The following TNNI3K variants were observed in gnomAD, a reference collection of about 807,000 sequenced individuals.
TNNI3K encodes the protein TNNI3 interacting kinase, also known as serine/threonine-protein kinase TNNI3K.
Under a neutral mutation model 114.5 loss-of-function variants are expected in TNNI3K, and 140 were observed. That is an observed-to-expected ratio of 1.22 (90% CI 1.07 to 1.41). The LOEUF (loss-of-function observed/expected upper bound fraction) is 1.41. TNNI3K is among the 40% of genes most tolerant of loss of function. The pLI is 0.00. For missense variants in TNNI3K, 1,125 were observed against 1,007.6 expected, an observed-to-expected ratio of 1.12 and a Z score of -1.58; for synonymous variants, 347 against 347.5, an observed-to-expected ratio of 1.00 and a Z score of 0.02.
At chr1:74,468,769 T>C (rs774807240) in intron 21 of TNNI3K, among the ~76,000 whole-genome samples, 5 of 151,936 alleles carry the variant, frequency 3.3e-5, no homozygotes, top group Admixed American at 6.6e-5. Flanking sequence ...GGAAGTTTGT[T>C]TCCCTTTTAA....
chr1:74,256,075 A>C (rs1655271912), intron 4 of TNNI3K, among the ~76,000 whole-genome samples: 1 of 152,180 alleles, frequency 6.6e-6, no homozygotes, highest in Non-Finnish European at 1.5e-5. Context: ...GAACACTCAC[A>C]TACAGGTATT....
chr1:74,464,803 C>T, intron 21 of TNNI3K: 1 of 1,514,730 alleles, frequency 6.6e-7, no homozygotes. Context: ...AATCTTCCAT[C>T]ACTACCAAAA....
intron 17 of TNNI3K, among the ~76,000 whole-genome samples, chr1:74,385,701 G>A (rs765643022): frequency 6.6e-6 from 1 of 152,198 alleles, no homozygotes; most frequent in Non-Finnish European, 1.5e-5. Context: ...AAGGTTAAGA[G>A]TTCAGTCCAA....
chr1:74,480,450 G>A (rs1202465187), intron 21 of TNNI3K: 7 of 717,434 alleles, frequency 9.8e-6, no homozygotes, highest in Non-Finnish European at 1.8e-5. Context: ...AACTGCTTCA[G>A]TGGAGTAAAC....
chr1:74,368,916 G>A, intron 13 of TNNI3K, 106 bp from the exon 14 acceptor site: 1 of 974,530 alleles, frequency 1.0e-6, no homozygotes, highest in East Asian at 3.0e-5. Flanking sequence ...AAAATTAAAT[G>A]TTATTAGGAA....
At chr1:74,535,999 T>G (rs3894212) in intron 23 of TNNI3K, among the ~76,000 whole-genome samples, 78,651 of 151,936 alleles carry the variant, frequency 0.52, 21,645 homozygotes, top group East Asian at 0.73. Context: ...CTTTTCTTAA[T>G]GTATCCATGG....
chr1:74,445,293 A>G (rs552580307), intron 20 of TNNI3K, among the ~76,000 whole-genome samples: 4 of 145,864 alleles, frequency 2.7e-5, no homozygotes, highest in African/African-American at 1.0e-4. Flanking sequence ...ATATGTATAC[A>G]TGTGCCGTGC....
At chr1:74,243,341 G>A (rs963116585) in intron 2 of TNNI3K, among the ~76,000 whole-genome samples, 3 of 152,234 alleles carry the variant, frequency 2.0e-5, no homozygotes, top group African/African-American at 7.2e-5. Context: ...TGTTTGGAGG[G>A]CATGGGGCAG....
intron 20 of TNNI3K, among the ~76,000 whole-genome samples, chr1:74,458,635 A>C (rs201589572): frequency 6.6e-6 from 1 of 152,218 alleles, no homozygotes; most frequent in East Asian, 1.9e-4. Flanking sequence ...ATAATGAATA[A>C]GATATTTATT....
intron 11 of TNNI3K, among the ~76,000 whole-genome samples, chr1:74,360,036 G>A (rs1388748304): frequency 6.6e-6 from 1 of 151,588 alleles, no homozygotes; most frequent in Non-Finnish European, 1.5e-5. Flanking sequence ...ACATCCTATC[G>A]ATTCAATCAA....
chr1:74,274,892 C>A (rs1297126638), intron 5 of TNNI3K, among the ~76,000 whole-genome samples: 2 of 151,992 alleles, frequency 1.3e-5, no homozygotes, highest in Admixed American at 6.6e-5. Flanking sequence ...TAAGAAAATG[C>A]TGAATATCTT....
intron 17 of TNNI3K, among the ~76,000 whole-genome samples, chr1:74,384,066 A>C (rs1355839195): frequency 6.6e-6 from 1 of 152,130 alleles, no homozygotes; most frequent in Non-Finnish European, 1.5e-5. Context: ...TTGGCCCCAC[A>C]AAACAGGAGC....
At chr1:74,367,766 A>C (rs923439179) in intron 12 of TNNI3K, 142 bp from the exon 13 acceptor site, 19 of 752,226 alleles carry the variant, frequency 2.5e-5, no homozygotes, top group Admixed American at 7.1e-5. Context: ...CTTGCAGTAC[A>C]ATTTCAGTAT....
At chr1:74,418,606 T>C (rs1570596957) in intron 17 of TNNI3K, among the ~76,000 whole-genome samples, 1 of 152,102 alleles carries the variant, frequency 6.6e-6, no homozygotes, top group East Asian at 1.9e-4. Flanking sequence ...CGTTTCTAAT[T>C]GGGTAAAAAT....
chr1:74,290,944 C>G (rs1212945084), intron 5 of TNNI3K, among the ~76,000 whole-genome samples: 1 of 151,758 alleles, frequency 6.6e-6, no homozygotes, highest in Non-Finnish European at 1.5e-5. Flanking sequence ...ATACAGCAGA[C>G]AGCTTCTAAG....
intron 17 of TNNI3K, among the ~76,000 whole-genome samples, chr1:74,401,406 G>A (rs1481458522): frequency 6.6e-6 from 1 of 152,028 alleles, no homozygotes; most frequent in African/African-American, 2.4e-5. Context: ...TTTACAAGTG[G>A]TATTGAATCT....
chr1:74,512,569 A>T (rs1670283723), intron 23 of TNNI3K: 1 of 152,212 alleles, frequency 6.6e-6, no homozygotes, highest in African/African-American at 2.4e-5. Context: ...CTACATTAAA[A>T]GGTGGATGAT....
chr1:74,308,818 TAACAAC>T (rs553428168), intron 5 of TNNI3K, among the ~76,000 whole-genome samples: 1 of 151,600 alleles, frequency 6.6e-6, no homozygotes, highest in African/African-American at 2.4e-5. Flanking sequence ...GTGACAAAAA[TAACAAC>T]AACTGATTCC....
chr1:74,468,915 T>A (rs1379921802), intron 21 of TNNI3K: 1 of 152,166 alleles, frequency 6.6e-6, no homozygotes, highest in Non-Finnish European at 1.5e-5. Context: ...TAAGCATGGC[T>A]TTGAATGAGA....
Sources: allele counts gnomAD v4.1 joint callset (sites outside exome capture counted in the v4.1 genomes callset), GRCh38; gene constraint gnomAD v4.1.1; transcripts MANE v1.5; gene names NCBI Gene and HGNC (gene_info 2026-07-23, HGNC 2026-07-21).